The following SLC4A5 variants were observed in gnomAD, a reference collection of about 807,000 sequenced individuals.
SLC4A5 encodes the protein electrogenic sodium bicarbonate cotransporter 4.
A neutral mutation model predicts 120.4 loss-of-function variants in SLC4A5; 96 were observed. That is an observed-to-expected ratio of 0.80 (90% CI 0.68 to 0.94). The LOEUF (loss-of-function observed/expected upper bound fraction) is 0.94, where lower values mean the gene tolerates loss of function less well. Among genes scored for constraint, SLC4A5 ranks in the 40% least tolerant of loss-of-function variants. The pLI is 0.00. For synonymous variants in SLC4A5, 550 were observed against 571.1 expected, an observed-to-expected ratio of 0.96 and a Z score of 0.53; for missense variants, 1,259 against 1,459.5, an observed-to-expected ratio of 0.86 and a Z score of 2.24.
intron 17 of SLC4A5, 31 bp from the exon 18 acceptor site, chr2:74,248,517 T>G (rs774260864): frequency 1.2e-6 from 2 of 1,612,404 alleles, no homozygotes; most frequent in Non-Finnish European, 8.5e-7. Flanking sequence ...TGGTTCAGCA[T>G]AGGAAGGAGA....
chr2:74,281,791 T>C (rs1671822759), intron 8 of SLC4A5, among the ~76,000 whole-genome samples: 1 of 152,164 alleles, frequency 6.6e-6, no homozygotes, highest in South Asian at 2.1e-4. Flanking sequence ...TCTGTTAATC[T>C]CCTAACTCAA....
chr2:74,254,548 A>G (rs1670898821), intron 14 of SLC4A5, 71 bp downstream of exon 14: 1 of 1,193,596 alleles, frequency 8.4e-7, no homozygotes. Context: ...GGATAAGTTA[A>G]TGAATGAAGG....
intron 29 of SLC4A5, among the ~76,000 whole-genome samples, chr2:74,221,858 A>G (rs1340353812): frequency 6.6e-6 from 1 of 152,158 alleles, no homozygotes; most frequent in African/African-American, 2.4e-5. Flanking sequence ...GCCCTGTATT[A>G]GAAGCACGGG....
intron 2 of SLC4A5, chr2:74,339,358 G>A (rs943295024): frequency 2.0e-5 from 3 of 151,962 alleles, no homozygotes; most frequent in Non-Finnish European, 4.4e-5. Flanking sequence ...TAACAAACCT[G>A]CACATCTGGC....
chr2:74,316,415 G>A (rs561986251), intron 5 of SLC4A5, among the ~76,000 whole-genome samples: 1 of 151,300 alleles, frequency 6.6e-6, no homozygotes, highest in South Asian at 2.1e-4. Context: ...CTTGGCCAAG[G>A]GGATCCCAGA....
At position 74,224,829 on chromosome 2, in the gene SLC4A5, A is replaced by G; in HGVS notation, c.3246+11T>C. The G allele has an allele frequency of 6.2e-7, 1 of 1,603,128 alleles. No individual in the cohort carries two copies. The highest frequency in any genetic ancestry group is 2.0e-4 in the Middle Eastern group (1 of 4,994). On this transcript the variant is annotated intron_variant, in intron 28 of 30. Coordinates refer to ENST00000394019, the Ensembl canonical transcript of SLC4A5. Reference sequence around the variant, plus strand: ...TTTCTCCTCTGTGCCCCGGCCTCACATCTTCCCCACCTCCTCATCACAGTC... The same window carrying G: ...TTTCTCCTCTGTGCCCCGGCCTCACGTCTTCCCCACCTCCTCATCACAGTC...
chr2:74,277,819 G>A (rs570392420), intron 8 of SLC4A5, among the ~76,000 whole-genome samples: 13 of 152,086 alleles, frequency 8.5e-5, no homozygotes, highest in Non-Finnish European at 1.3e-4. Flanking sequence ...GAAATATAAC[G>A]GCATTGTGTT....
In SLC4A5 at chr2:74,222,882, A is replaced by G. The variant is rs767688760; in HGVS notation, c.3317T>C (p.Ile1106Thr). ...GTTTTACTTACTGGCAATGCAGTGG[A>G]TACCGTTTTGGGGATCTGATTGGAC... Residue 1106 changes from isoleucine to threonine, a missense_variant, in exon 29 of 31, where the codon ATC (isoleucine) becomes ACC (threonine). Ile to Thr is a moderately conservative substitution (Grantham distance 89). Coordinates refer to ENST00000394019, the Ensembl canonical transcript of SLC4A5. The G allele has an allele frequency of 3.7e-6, 6 of 1,613,450 alleles. No homozygotes were observed. In the Admixed American group the frequency reaches 8.3e-5, roughly 22 times the overall value.
At position 74,267,885 on chromosome 2, in the gene SLC4A5, C is replaced by G. The variant is rs141061941; in HGVS notation, c.402-2621G>C. Among the ~76,000 whole-genome samples the G allele has an allele frequency of 7.3e-3, 1,108 of 152,178 alleles. 10 individuals carry two copies. The highest frequency in any genetic ancestry group is 0.025 in the African/African-American group (1,049 of 41,502). On this transcript the variant is annotated intron_variant, in intron 8 of 30. Transcript: ENST00000394019. The stretch of plus-strand genomic sequence containing the variant: ...TGGTGGCACACAGCTGTGGTCCCAG[C>G]TTCTTGGGAGGATCACTTGAGCCTG...
chr2:74,221,753 T>G (rs993609599), intron 29 of SLC4A5, among the ~76,000 whole-genome samples: 2 of 152,032 alleles, frequency 1.3e-5, no homozygotes, highest in African/African-American at 4.8e-5. Flanking sequence ...GGGAGGAGTC[T>G]GAGAAACTCA....
In SLC4A5 at chr2:74,314,942, C is replaced by A. The variant is rs748466847; in HGVS notation, c.79+3G>T. The A allele has an allele frequency of 1.2e-6, 2 of 1,613,506 alleles. No individual in the cohort carries two copies. The stretch of plus-strand genomic sequence containing the variant: ...TTGCATCAAGTCCTCAAAGTGACCT[C>A]ACCTTTCTGATCCGGAAATCTCCTC... On this transcript the variant is annotated splice_donor_region_variant and intron_variant, in intron 6 of 30. Transcript: ENST00000394019.
chr2:74,332,120 C>T (rs13427521), intron 4 of SLC4A5, among the ~76,000 whole-genome samples: 5,964 of 152,240 alleles, frequency 0.039, 400 homozygotes, highest in African/African-American at 0.14. Context: ...TATTTTAGTT[C>T]CAGCTGCTGG....
intron 4 of SLC4A5, among the ~76,000 whole-genome samples, chr2:74,330,139 T>C (rs1263744018): frequency 6.7e-6 from 1 of 150,078 alleles, no homozygotes; most frequent in Non-Finnish European, 1.5e-5. Flanking sequence ...GAGGTGTAGA[T>C]GGAGGTGGTG....
At chr2:74,307,922 G>T in intron 6 of SLC4A5, 1 of 506,754 alleles carries the variant, frequency 2.0e-6, no homozygotes, top group South Asian at 1.6e-5. Context: ...CCACACTGCT[G>T]ACCAGCCAGG....
At chr2:74,256,013 G>A (rs1670954706) in intron 12 of SLC4A5, 81 bp from the exon 13 acceptor site, 3 of 1,492,268 alleles carry the variant, frequency 2.0e-6, no homozygotes, top group African/African-American at 1.4e-5. Context: ...ACTGCTTTGA[G>A]GCCTAACTTG....
Position 74,312,243 on chromosome 2 carries a change from ATGTG to A in SLC4A5, c.79+2698_79+2701del, listed in dbSNP as rs111417670. Among the ~76,000 whole-genome samples, 266 of 139,432 alleles carry A rather than the reference ATGTG, an allele frequency of 1.9e-3. 1 individual carries two copies. Among genetic ancestry groups the A allele is most frequent in the Middle Eastern group, 0.011 (3 of 270 alleles). The allele number at this position is 139,432 out of a possible 152,430, so 91.5% of individuals were successfully genotyped here. ...TATATCTCTATATGTGTGTGTGTAT[ATGTG>A]TGTGTGTGTGTGTGTGTGTGTGTGT... On this transcript the variant is annotated intron_variant, in intron 6 of 30. Transcript: ENST00000394019.
intron 4 of SLC4A5, 65 bp from the exon 5 acceptor site, chr2:74,328,251 T>C: frequency 7.3e-6 from 7 of 955,484 alleles, no homozygotes; most frequent in Non-Finnish European, 6.2e-6. Flanking sequence ...GCATTGGAGA[T>C]TGACTTCTGA....
intron 9 of SLC4A5, 138 bp downstream of exon 9, chr2:74,264,966 A>G: frequency 1.1e-6 from 1 of 950,230 alleles, no homozygotes; most frequent in Non-Finnish European, 1.6e-6. Context: ...TGGGAGCAAC[A>G]GAGTCAAAGC....
At chr2:74,232,179 T>C (rs951917919) in intron 24 of SLC4A5, among the ~76,000 whole-genome samples, 1 of 152,110 alleles carries the variant, frequency 6.6e-6, no homozygotes. Flanking sequence ...CACGAAGCCT[T>C]GTGGGGACCT....
Sources: gnomAD v4.1 joint callset for allele counts (sites outside exome capture counted in the v4.1 genomes callset) on GRCh38, gnomAD v4.1.1 for gene constraint, MANE v1.5 for transcripts, NCBI Gene and HGNC (gene_info 2026-07-23, HGNC 2026-07-21) for gene names.